APLP2: variants seen among roughly 807,000 people sequenced by gnomAD.
APLP2 encodes the protein amyloid beta precursor like protein 2, also known as CDEI box-binding protein.
In APLP2, 53 loss-of-function variants were observed where a neutral mutation model predicts 89.9. The observed-to-expected ratio is 0.59, with a 90% CI of 0.47 to 0.74. APLP2 has a LOEUF of 0.74. APLP2 is among the 30% of genes least tolerant of loss of function. The probability of loss-of-function intolerance (pLI) is 0.00; values close to 1 mark genes in which losing one functional copy is unlikely to be tolerated. For synonymous variants in APLP2, 372 were observed against 348.6 expected, an observed-to-expected ratio of 1.07 and a Z score of -0.75; for missense variants, 973 against 975.9, an observed-to-expected ratio of 1.00 and a Z score of 0.04.
chr11:130,132,280 T>A (rs778470992), intron 11 of APLP2, among the ~76,000 whole-genome samples: 2 of 152,236 alleles, frequency 1.3e-5, no homozygotes, highest in Non-Finnish European at 2.9e-5. Context: ...ATGGCAAATA[T>A]AAAATTAAAT....
At chr11:130,080,788 C>T (rs533280026) in intron 1 of APLP2, among the ~76,000 whole-genome samples, 2 of 151,058 alleles carry the variant, frequency 1.3e-5, no homozygotes, top group South Asian at 4.2e-4. Context: ...GCTCCGCCTC[C>T]CGGGTTCACG....
rs112410722 is a variant in APLP2, at chr11:130,133,724, A to G, written c.1680A>G (p.Glu560=). 1.6e-5 allele frequency: 25 copies of G among 1,612,032 alleles called. No homozygotes were observed. Among genetic ancestry groups the G allele is most frequent in the Non-Finnish European group, 2.0e-5 (23 of 1,178,228 alleles). Residue 560 remains glutamate (E), a synonymous_variant, in exon 12 of 17, where the codon GAA becomes GAG. Transcript: ENST00000338167. ...ATGTAGCCCAAGAAATTCAAGAGGA[A>G]ATTGGTGGGTACCAGCTCTTTGTGT... is the stretch of plus-strand genomic sequence containing the variant. ...VPYVAQEIQE[E]IDELLQEQRA... is the part of the protein sequence containing the mutation.
intron 12 of APLP2, 107 bp downstream of exon 12, chr11:130,133,835 T>C (rs1175364518): frequency 1.1e-5 from 9 of 813,954 alleles, no homozygotes; most frequent in African/African-American, 1.0e-4. Context: ...GCCGGTGAAG[T>C]GGGGCATTAG....
intron 1 of APLP2, among the ~76,000 whole-genome samples, chr11:130,092,275 T>C (rs1410581640): frequency 7.5e-5 from 10 of 132,656 alleles, no homozygotes; most frequent in Non-Finnish European, 8.0e-5. Flanking sequence ...ACATCCCAGA[T>C]GATGGGCGGC....
chr11:130,127,951 G>A, intron 9 of APLP2, 111 bp downstream of exon 9: 1 of 879,228 alleles, frequency 1.1e-6, no homozygotes, highest in South Asian at 1.6e-5. Context: ...TTAGGTGAGG[G>A]CTTACAAGGA....
chr11:130,125,174 G>A (rs1203608009), intron 7 of APLP2, among the ~76,000 whole-genome samples: 3 of 152,224 alleles, frequency 2.0e-5, no homozygotes, highest in African/African-American at 7.2e-5. Flanking sequence ...GCTGGCGGAT[G>A]TGCCGGCTTC....
chr11:130,117,729 C>T (rs1949359078), intron 3 of APLP2, among the ~76,000 whole-genome samples: 1 of 152,152 alleles, frequency 6.6e-6, no homozygotes, highest in Admixed American at 6.5e-5. Context: ...CTTGCTTTTA[C>T]TTTACATCAT....
chr11:130,124,849 G>A (rs1421737088), intron 7 of APLP2, among the ~76,000 whole-genome samples: 6 of 152,314 alleles, frequency 3.9e-5, no homozygotes, highest in South Asian at 2.1e-4. Flanking sequence ...TAAACTTTGC[G>A]TTTTCAGGAA....
chr11:130,119,613 T>G (rs1949598282), intron 3 of APLP2, among the ~76,000 whole-genome samples: 1 of 152,232 alleles, frequency 6.6e-6, no homozygotes, highest in Non-Finnish European at 1.5e-5. Flanking sequence ...ATGTGTATCT[T>G]TCTCCCGACT....
chr11:130,105,810 T>C (rs908351172), intron 1 of APLP2, among the ~76,000 whole-genome samples: 2 of 151,764 alleles, frequency 1.3e-5, no homozygotes, highest in Non-Finnish European at 2.9e-5. Flanking sequence ...TCCAGGCAGT[T>C]CTCCTGCCTC....
intron 3 of APLP2, among the ~76,000 whole-genome samples, 165 bp downstream of exon 3, chr11:130,110,826 A>G (rs1451735987): frequency 6.6e-6 from 1 of 152,102 alleles, no homozygotes; most frequent in Non-Finnish European, 1.5e-5. Flanking sequence ...TTCGAGTGTC[A>G]GTGGTTGACC....
intron 1 of APLP2, among the ~76,000 whole-genome samples, chr11:130,102,231 T>C (rs1366889237): frequency 6.6e-6 from 1 of 152,226 alleles, no homozygotes; most frequent in Non-Finnish European, 1.5e-5. Context: ...TATAGGATTT[T>C]CGTATCTTTT....
chr11:130,127,714 G>T, intron 8 of APLP2, 52 bp from the exon 9 acceptor site: 1 of 1,473,564 alleles, frequency 6.8e-7, no homozygotes, highest in African/African-American at 1.4e-5. Flanking sequence ...AAATGGAGGA[G>T]TTGTTTCGGG....
chr11:130,115,432 C>A (rs1476703700), intron 3 of APLP2, among the ~76,000 whole-genome samples: 1 of 152,098 alleles, frequency 6.6e-6, no homozygotes, highest in Non-Finnish European at 1.5e-5. Context: ...AGCTCTAAAA[C>A]CTGGATGGCT....
At chr11:130,116,549 G>A (rs1231655707) in intron 3 of APLP2, among the ~76,000 whole-genome samples, 4 of 151,964 alleles carry the variant, frequency 2.6e-5, no homozygotes, top group Non-Finnish European at 4.4e-5. Flanking sequence ...GCAGTGGCGC[G>A]ATCTTGGCTG....
chr11:130,097,613 C>T (rs1565566458), intron 1 of APLP2, among the ~76,000 whole-genome samples: 1 of 151,966 alleles, frequency 6.6e-6, no homozygotes, highest in African/African-American at 2.4e-5. Context: ...GGGAGGATTG[C>T]TTGATCCTGG....
intron 12 of APLP2, among the ~76,000 whole-genome samples, chr11:130,134,437 G>C (rs1276870434): frequency 6.6e-6 from 1 of 152,198 alleles, no homozygotes; most frequent in African/African-American, 2.4e-5. Context: ...GAGTAGATCA[G>C]TGTGGCTACA....
chr11:130,135,741 C>G (rs375218911), intron 13 of APLP2, 26 bp downstream of exon 13: 3 of 1,611,312 alleles, frequency 1.9e-6, no homozygotes, highest in African/African-American at 1.3e-5. Context: ...GGTGCCACTT[C>G]TGGGCAGCAG....
At chr11:130,115,111 T>C (rs1397117521) in intron 3 of APLP2, among the ~76,000 whole-genome samples, 2 of 152,236 alleles carry the variant, frequency 1.3e-5, no homozygotes, top group Non-Finnish European at 2.9e-5. Flanking sequence ...TACATAAGGC[T>C]GTTTTCTCCC....
Sources: allele counts gnomAD v4.1 joint callset (sites outside exome capture counted in the v4.1 genomes callset), GRCh38; gene constraint gnomAD v4.1.1; transcripts MANE v1.5; gene names NCBI Gene and HGNC (gene_info 2026-07-23, HGNC 2026-07-21).